Variants in PLIN5 observed in about 807,000 individuals in gnomAD.
PLIN5 encodes the protein perilipin 5, also known as perilipin-5.
PLIN5 carries 34 observed loss-of-function variants against 32.8 expected under a neutral mutation model. That is an observed-to-expected ratio of 1.04 (90% CI 0.79 to 1.38). The LOEUF (loss-of-function observed/expected upper bound fraction) is 1.38. PLIN5 is among the 40% of genes most tolerant of loss of function. The probability of loss-of-function intolerance (pLI) is 0.00; values close to 1 mark genes in which losing one functional copy is unlikely to be tolerated. For synonymous variants in PLIN5, 309 were observed against 292.9 expected (o/e 1.05, Z -0.56); for missense variants, 712 against 660.5 (o/e 1.08, Z -0.85).
At chr19:4,526,414 G>C (rs1555695449) in intron 5 of PLIN5, among the ~76,000 whole-genome samples, 1 of 152,110 alleles carries the variant, frequency 6.6e-6, no homozygotes, top group African/African-American at 2.4e-5. Flanking sequence ...TAGAGACGGG[G>C]TTTCACCATG....
chr19:4,531,527 C>A, intron 3 of PLIN5, 100 bp downstream of exon 3: 1 of 1,242,122 alleles, frequency 8.1e-7, no homozygotes, highest in Non-Finnish European at 1.1e-6. Context: ...CTGAAGATGA[C>A]CCCCAGGAGT....
At position 4,525,708 on chromosome 19, in the gene PLIN5, G is replaced by C; in HGVS notation, c.645C>G (p.His215Gln). The C allele has an allele frequency of 1.2e-6, 2 of 1,613,774 alleles. No homozygotes were observed. Among genetic ancestry groups the C allele is most frequent in the Non-Finnish European group, 1.7e-6 (2 of 1,180,042 alleles). The change falls in exon 6 of 8, where the codon CAC becomes CAG. Residue 215 changes from histidine to glutamine, a missense_variant. By Grantham distance (24) the His-to-Gln change is conservative (BLOSUM62 0). Transcript: ENST00000381848. The surrounding 1 kb of genome is among the most constrained non-coding windows in gnomAD (Gnocchi z 5.6). ...TGCTCTGCCTCAGTTTCCCCACAGA[G>C]TGCTCGTAGGCCAGGTGGCGGATCC... is the stretch of plus-strand genomic sequence containing the variant. ...SARIRHLAYEHSVGKLRQSKH... is the reference protein window; with the variant it reads ...SARIRHLAYEQSVGKLRQSKH...
Position 4,529,981 on chromosome 19 carries a change from G to T in PLIN5, c.257-115C>A, listed in dbSNP as rs866773277. ...GAGAGAAGCAGAGACAGAGAAGGAA[G>T]GAGACCAGGATAAGACAGGGAGAAA... On this transcript the variant is annotated intron_variant, in intron 3 of 7. Transcript: ENST00000381848. The T allele has an allele frequency of 3.4e-5, 20 of 583,182 alleles. No individual in the cohort carries two copies. In the Middle Eastern group the frequency reaches 3.3e-3, roughly 95 times the overall value. The allele number at this position is 583,182 out of a possible 1,614,324, so 36.1% of individuals were successfully genotyped here.
At chr19:4,530,606 A>G (rs1179168348) in intron 3 of PLIN5, among the ~76,000 whole-genome samples, 1 of 152,198 alleles carries the variant, frequency 6.6e-6, no homozygotes, top group African/African-American at 2.4e-5. Flanking sequence ...ACAGGGAGAC[A>G]GATGGATAGG....
At chr19:4,535,126 C>CGG (rs112419213) in intron 1 of PLIN5, 39 bp downstream of exon 1, 13 of 152,060 alleles carry the variant, frequency 8.5e-5, no homozygotes, top group African/African-American at 2.9e-4. Flanking sequence ...CTCCTAAGCC[C>CGG]GGGGGGGCGC....
chr19:4,533,627 T>TAGATG, intron 2 of PLIN5: 1 of 390,184 alleles, frequency 2.6e-6, no homozygotes, highest in South Asian at 7.9e-5. Flanking sequence ...GTGATGGGTG[T>TAGATG]TCAAGGAGCC....
chr19:4,534,131 C>G, intron 1 of PLIN5, 36 bp from the exon 2 acceptor site: 1 of 1,557,364 alleles, frequency 6.4e-7, no homozygotes, highest in Non-Finnish European at 8.7e-7. Flanking sequence ...AGCACCTGCC[C>G]AGGCATCAGA....
intron 3 of PLIN5, among the ~76,000 whole-genome samples, chr19:4,530,559 TG>T (rs1033084164): frequency 1.5e-4 from 23 of 151,390 alleles, no homozygotes; most frequent in Non-Finnish European, 1.5e-5. Flanking sequence ...GAGAGACAAA[TG>T]GACCCAAGGC....
At position 4,523,742 on chromosome 19, in the gene PLIN5, G is replaced by A. The variant is rs201650665; in HGVS notation, c.1178C>T (p.Ala393Val). The A allele has an allele frequency of 7.5e-6, 12 of 1,600,384 alleles. No individual in the cohort carries two copies. The highest frequency in any genetic ancestry group is 1.7e-4 in the Middle Eastern group (1 of 6,056). Residue 393 changes from alanine to valine, a missense_variant, in exon 8 of 8, where the codon GCG becomes GTG. Transcript: ENST00000381848. This position sits in a 1 kb window ranked among gnomAD's most constrained non-coding sequence, Gnocchi z 5.0. The part of the protein sequence containing the change: ...VERPEPLPDL[A>V]DLVDEVIGGP... Reference sequence around the variant, plus strand: ...CCCGATGACCTCGTCCACCAGGTCCGCCAGGTCGGGCAGGGGCTCGGGTCG... The same window carrying A: ...CCCGATGACCTCGTCCACCAGGTCCACCAGGTCGGGCAGGGGCTCGGGTCG...
At chr19:4,529,040 C>T in intron 5 of PLIN5, 33 bp downstream of exon 5, 1 of 1,601,524 alleles carries the variant, frequency 6.2e-7, no homozygotes, top group Non-Finnish European at 8.5e-7. Context: ...CGGGGCAGGA[C>T]TCAGGGGTTA....
chr19:4,523,667 G>A lies in PLIN5; in HGVS notation c.1253C>T (p.Ala418Val), dbSNP rs752654390. 1 of 1,609,310 alleles carries A rather than the reference G, an allele frequency of 6.2e-7. No homozygotes were observed. ...CCCGTCCCTGTGCTCTGCCTCCCAG[G>A]CTCTCTGCTGGGCCGGCCAGTCCAG... ...AHLDWPAQQR[A>V]WEAEHRDGSG... Residue 418 changes from alanine (A) to valine (V), a missense_variant, in exon 8 of 8, where the codon GCC (alanine) becomes GTC (valine). By Grantham distance (64) the Ala-to-Val change is moderately conservative (BLOSUM62 0). Coordinates refer to ENST00000381848, the MANE Select transcript of PLIN5 (RefSeq NM_001013706.3). This position sits in a 1 kb window ranked among gnomAD's most constrained non-coding sequence, Gnocchi z 5.0.
chr19:4,533,736 A>G (rs1174468828), intron 2 of PLIN5: 1 of 526,774 alleles, frequency 1.9e-6, no homozygotes, highest in East Asian at 2.9e-5. Context: ...TGGAGACAGA[A>G]GGATACAGGT....
chr19:4,527,232 C>G (rs962166790), intron 5 of PLIN5, among the ~76,000 whole-genome samples: 1 of 152,044 alleles, frequency 6.6e-6, no homozygotes, highest in South Asian at 2.1e-4. Context: ...CCCGCCACCA[C>G]GCCCGGCCAA....
rs1012789866 is a variant in PLIN5, at chr19:4,523,069, C to G, written c.*459G>C. 1.3e-5 allele frequency: 2 copies of G among 149,632 alleles called. No homozygotes were observed. Among genetic ancestry groups the G allele is most frequent in the Non-Finnish European group, 2.9e-5 (2 of 68,056 alleles). 9.3% of individuals were successfully genotyped at this position (149,632 alleles called of 1,614,324 possible). A position where few individuals can be genotyped will look rare whatever the true frequency, so the allele number is the denominator to read the frequency against. The stretch of plus-strand genomic sequence containing the variant: ...AGCTGGGACTACAGGTGCACACCAC[C>G]ACACCTGGCTTTTTTTTTTTTTTTC... On this transcript the variant is annotated 3_prime_UTR_variant, in exon 8 of 8. Coordinates refer to ENST00000381848, the MANE Select transcript of PLIN5 (RefSeq NM_001013706.3). This position sits in a 1 kb window ranked among gnomAD's most constrained non-coding sequence, Gnocchi z 5.0.
chr19:4,528,155 C>G (rs536978469), intron 5 of PLIN5, among the ~76,000 whole-genome samples: 1 of 151,896 alleles, frequency 6.6e-6, no homozygotes, highest in African/African-American at 2.4e-5. Flanking sequence ...GTGATCGGCC[C>G]GCCTCGGCCC....
chr19:4,534,182 C>T (rs1976920864), intron 1 of PLIN5, 87 bp from the exon 2 acceptor site: 1 of 1,076,054 alleles, frequency 9.3e-7, no homozygotes, highest in Non-Finnish European at 1.4e-6. Flanking sequence ...AACTCTCAAA[C>T]CTCTTGGGGC....
intron 4 of PLIN5, 174 bp downstream of exon 4, chr19:4,529,610 T>TACATAC (rs1555695803): frequency 4.2e-5 from 18 of 432,434 alleles, no homozygotes; most frequent in African/African-American, 2.9e-4. Context: ...CATATATGTA[T>TACATAC]ACACACACAC....
intron 5 of PLIN5, among the ~76,000 whole-genome samples, chr19:4,526,809 G>A (rs376695696): frequency 2.1e-4 from 32 of 149,950 alleles, no homozygotes; most frequent in African/African-American, 6.8e-4. Context: ...GGTTAGCTAC[G>A]ATCACACCAC....
chr19:4,531,246 G>A (rs910383851), intron 3 of PLIN5, among the ~76,000 whole-genome samples: 5 of 151,576 alleles, frequency 3.3e-5, no homozygotes, highest in African/African-American at 7.3e-5. Flanking sequence ...TGATCCAACC[G>A]CCTCAGCCTC....
Sources: allele counts gnomAD v4.1 joint callset (sites outside exome capture counted in the v4.1 genomes callset), GRCh38; gene constraint gnomAD v4.1.1; non-coding constraint Gnocchi (gnomAD v3.1); transcripts MANE v1.5; gene names NCBI Gene and HGNC (gene_info 2026-07-23, HGNC 2026-07-21).